Variants in CSGALNACT1 observed in about 807,000 individuals in gnomAD.
CSGALNACT1 encodes chondroitin sulfate N-acetylgalactosaminyltransferase 1, also known as beta4GalNAcT-1.
CSGALNACT1 carries 52 observed loss-of-function variants against 51.0 expected under a neutral mutation model. The ratio of observed to expected loss-of-function variants is 1.02; its 90% CI spans 0.82 to 1.29. The LOEUF (loss-of-function observed/expected upper bound fraction) is 1.29. Among genes scored for constraint, CSGALNACT1 ranks in the 50% most tolerant of loss-of-function variants. The pLI is 0.00. For synonymous variants in CSGALNACT1, 341 were observed against 254.4 expected (o/e 1.34, Z -3.24); for missense variants, 935 against 679.2 (o/e 1.38, Z -4.19).
At chr8:19,410,382 G>A (rs1322428970) in intron 8 of CSGALNACT1, among the ~76,000 whole-genome samples, 3 of 152,144 alleles carry the variant, frequency 2.0e-5, no homozygotes, top group Non-Finnish European at 4.4e-5. Context: ...TTCCATCCCC[G>A]CCTTACCAGG....
intron 1 of CSGALNACT1, among the ~76,000 whole-genome samples, chr8:19,655,542 C>A (rs10099108): frequency 2.9e-5 from 3 of 104,978 alleles, no homozygotes; most frequent in African/African-American, 3.3e-5. Flanking sequence ...ACATATACAT[C>A]TATATGCACA....
rs571437167 is a variant in CSGALNACT1, at chr8:19,425,680, T to C, written c.954-5162A>G. On this transcript the variant is annotated intron_variant, in intron 6 of 9. Transcript: ENST00000454498. ...GCAGAGGTTGCAGATGCTCCTGTGG[T>C]TTGTGATTTTCCTAGGTGCATCCTC... 2.0e-5 allele frequency among the ~76,000 whole-genome samples: 3 copies of C among 152,246 alleles called. No homozygotes were observed. In the South Asian group the frequency reaches 6.2e-4, roughly 32 times the overall value.
chr8:19,639,054 C>G (rs950164434), intron 1 of CSGALNACT1, among the ~76,000 whole-genome samples: 1 of 152,104 alleles, frequency 6.6e-6, no homozygotes, highest in Admixed American at 6.5e-5. Context: ...CGACTCCTCC[C>G]CTGCCTCTTC....
intron 1 of CSGALNACT1, among the ~76,000 whole-genome samples, chr8:19,653,758 A>G (rs1472084444): frequency 6.6e-6 from 1 of 151,870 alleles, no homozygotes; most frequent in African/African-American, 2.4e-5. Flanking sequence ...TGATTTTGCC[A>G]CTGCACTCCA....
intron 1 of CSGALNACT1, among the ~76,000 whole-genome samples, chr8:19,663,019 A>T (rs2154191885): frequency 6.6e-6 from 1 of 152,308 alleles, no homozygotes; most frequent in Non-Finnish European, 1.5e-5. Flanking sequence ...AGTGCTACAA[A>T]TGCCTGGAAG....
In CSGALNACT1 at chr8:19,538,232, G is replaced by A. The variant is rs553275373; in HGVS notation, c.-296-32102C>T. Among the ~76,000 whole-genome samples the A allele has an allele frequency of 1.2e-3, 183 of 152,310 alleles. 1 individual carries two copies. The South Asian group carries it at 0.018, about 15-fold the overall frequency. ...TAGTCCCCTAGCTACTTGAAAGGCT[G>A]AGGCAGGAAGATTGCTTGAGCCTAG... is the stretch of plus-strand genomic sequence containing the variant. On this transcript the variant is annotated intron_variant, in intron 3 of 9. Transcript: ENST00000454498.
intron 4 of CSGALNACT1, among the ~76,000 whole-genome samples, chr8:19,470,069 A>G (rs2067764543): frequency 6.6e-6 from 1 of 152,200 alleles, no homozygotes. Flanking sequence ...ATGCTGATAA[A>G]AAGGAACAAA....
chr8:19,438,424 T>C (rs1255937455), intron 6 of CSGALNACT1, among the ~76,000 whole-genome samples: 2 of 152,206 alleles, frequency 1.3e-5, no homozygotes, highest in Admixed American at 6.5e-5. Context: ...GTGAGAACAT[T>C]TGTAATGTAC....
At chr8:19,462,563 T>C (rs1373225649) in intron 4 of CSGALNACT1, among the ~76,000 whole-genome samples, 4 of 152,158 alleles carry the variant, frequency 2.6e-5, no homozygotes, top group African/African-American at 9.7e-5. Context: ...GGTGCCTGCA[T>C]CATCAGCCCA....
At chr8:19,682,911 T>A (rs147847538), upstream of CSGALNACT1, 3,337 of 348,582 alleles carry the variant, frequency 9.6e-3, 30 homozygotes, top group Non-Finnish European at 0.013. Context: ...CATGACCATA[T>A]ATGAAATCCC....
At chr8:19,496,714 G>T (rs1415231880) in intron 4 of CSGALNACT1, among the ~76,000 whole-genome samples, 4 of 152,146 alleles carry the variant, frequency 2.6e-5, no homozygotes, top group African/African-American at 9.7e-5. Flanking sequence ...AAAGAGATAT[G>T]AGCCCTTGCT....
intron 1 of CSGALNACT1, among the ~76,000 whole-genome samples, chr8:19,667,636 A>G (rs2059486037): frequency 6.6e-6 from 1 of 152,098 alleles, no homozygotes. Context: ...AAACGGCAGT[A>G]AGGAGAAGGT....
chr8:19,608,411 C>T (rs1160239382), intron 1 of CSGALNACT1, among the ~76,000 whole-genome samples: 1 of 152,198 alleles, frequency 6.6e-6, no homozygotes, highest in African/African-American at 2.4e-5. Flanking sequence ...AATTGTGTGA[C>T]CCTTGAGCAA....
At chr8:19,596,247 C>T (rs1007758390) in intron 2 of CSGALNACT1, among the ~76,000 whole-genome samples, 3 of 152,058 alleles carry the variant, frequency 2.0e-5, no homozygotes, top group Non-Finnish European at 4.4e-5. Context: ...TATGTGTCAG[C>T]TGAACATTCT....
chr8:19,449,975 A>C (rs992543581), intron 5 of CSGALNACT1, among the ~76,000 whole-genome samples: 1 of 150,660 alleles, frequency 6.6e-6, no homozygotes, highest in African/African-American at 2.4e-5. Context: ...GGCTGGCTTA[A>C]AATCTAGAAT....
chr8:19,626,268 G>C (rs114088584), intron 1 of CSGALNACT1, among the ~76,000 whole-genome samples: 2 of 152,190 alleles, frequency 1.3e-5, no homozygotes, highest in African/African-American at 4.8e-5. Context: ...ATAGCTTTAC[G>C]TAAGAATGGC....
At chr8:19,702,762 CA>C (rs1362408196) in intron 1 of CSGALNACT1, among the ~76,000 whole-genome samples, 1 of 152,126 alleles carries the variant, frequency 6.6e-6, no homozygotes, top group Admixed American at 6.5e-5. Context: ...CCTCAAGACT[CA>C]AGTCACATAC....
intron 1 of CSGALNACT1, among the ~76,000 whole-genome samples, chr8:19,643,617 A>G (rs2056963734): frequency 6.6e-6 from 1 of 151,416 alleles, no homozygotes; most frequent in South Asian, 2.1e-4. Context: ...CAGCCTGGAC[A>G]AGAGAGTGAG....
At chr8:19,681,139 G>A (rs2060587541) in intron 1 of CSGALNACT1, among the ~76,000 whole-genome samples, 1 of 152,068 alleles carries the variant, frequency 6.6e-6, no homozygotes, top group Non-Finnish European at 1.5e-5. Flanking sequence ...ACTATCACAA[G>A]GTCATAGAAG....
Sources: gnomAD v4.1 joint callset for allele counts (sites outside exome capture counted in the v4.1 genomes callset) on GRCh38, gnomAD v4.1.1 for gene constraint, MANE v1.5 for transcripts, NCBI Gene and HGNC (gene_info 2026-07-23, HGNC 2026-07-21) for gene names.